The following ERCC5 variants were observed in gnomAD, a reference collection of about 807,000 sequenced individuals.
ERCC5 encodes DNA excision repair protein ERCC-5.
Under a neutral mutation model 105.6 loss-of-function variants are expected in ERCC5, and 68 were observed. The observed-to-expected ratio is 0.64, with a 90% CI of 0.53 to 0.79. ERCC5 has a LOEUF of 0.79. Ranked by LOEUF, ERCC5 falls within the 30% of genes least tolerant of loss-of-function variation. The pLI, the probability that ERCC5 is intolerant of heterozygous loss-of-function variation, is 0.00. For missense variants in ERCC5, 1,373 were observed against 1,426.7 expected (o/e 0.96, Z 0.61); for synonymous variants, 546 against 526.2 (o/e 1.04, Z -0.51).
At chr13:102,860,106 G>T (rs1230430711) in intron 6 of ERCC5, among the ~76,000 whole-genome samples, 6 of 152,152 alleles carry the variant, frequency 3.9e-5, no homozygotes, top group Non-Finnish European at 8.8e-5. Flanking sequence ...TCGCGATATT[G>T]CAGTGCTTCT....
chr13:102,872,127 G>T (rs1364082191), intron 12 of ERCC5, 71 bp from the exon 13 acceptor site: 3 of 1,544,398 alleles, frequency 1.9e-6, no homozygotes, highest in African/African-American at 1.4e-5. Flanking sequence ...TCTAAGTTTA[G>T]TTCTTCATCC....
At position 102,875,594 on chromosome 13, in the gene ERCC5, C is replaced by A. The variant is rs372662617; in HGVS notation, c.3252C>A (p.Cys1084Ter). 6.2e-7 allele frequency: 1 copy of A among 1,613,468 alleles called. No individual in the cohort carries two copies. Residue 1084 changes from cysteine (C) to a stop codon, truncating the protein, a stop_gained, in exon 15 of 15, where the codon TGC (cysteine) becomes TGA (stop). Coordinates refer to ENST00000652225, the MANE Select transcript of ERCC5 (RefSeq NM_000123.4). LOFTEE classifies it low-confidence loss of function (END_TRUNC). ...RLSDSKGKNT[C>*]GGFLGETCLS... The stretch of plus-strand genomic sequence containing the variant: ...CAGATTCTAAAGGAAAGAATACATG[C>A]GGTGGATTTTTGGGGGAGACCTGCC...
chr13:102,850,368 G>A (rs1055497422), intron 1 of ERCC5, among the ~76,000 whole-genome samples: 13 of 152,170 alleles, frequency 8.5e-5, no homozygotes, highest in Admixed American at 7.9e-4. Context: ...GAAGCAGCAT[G>A]TGAGAAGAAC....
intron 12 of ERCC5, among the ~76,000 whole-genome samples, chr13:102,871,104 GC>G (rs1454408117): frequency 6.6e-6 from 1 of 152,224 alleles, no homozygotes; most frequent in African/African-American, 2.4e-5. Flanking sequence ...GCTCAGCTGG[GC>G]TAGGACCCCT....
In ERCC5 at chr13:102,862,671, G is replaced by T. The variant is rs200503959; in HGVS notation, c.1522G>T (p.Val508Phe). The T allele has an allele frequency of 6.1e-5, 98 of 1,614,068 alleles. No individual in the cohort carries two copies. Among genetic ancestry groups the T allele is most frequent in the Non-Finnish European group, 7.6e-5 (90 of 1,180,052 alleles). Residue 508 changes from valine to phenylalanine, a missense_variant, in exon 8 of 15, where the codon GTT (valine) becomes TTT (phenylalanine). This residue lies in a region of ERCC5 where 1,004 missense variants were observed against 1,059.7 expected (regional missense o/e 0.95). Transcript: ENST00000652225. ...KDRLPLESAV[V>F]RHSDAPGLPN... ...TCGGCTGCCTCTGGAGAGTGCAGTG[G>T]TTAGACATAGTGACGCACCTGGGCT...
rs1250698107 is a variant in ERCC5, at chr13:102,875,687, G to A, written c.3345G>A (p.Arg1115=). The stretch of plus-strand genomic sequence containing the variant: ...GTTCATCTTTAATGAATGTACAAAG[G>A]AGAACAGCTGCGAAAGAGCCAAAAA... ...AESSSLMNVQ[R]RTAAKEPKTS... is the part of the protein sequence containing the mutation. The change falls in exon 15 of 15, where the codon AGG becomes AGA. Residue 1115 remains arginine (R), a synonymous_variant. Coordinates refer to ENST00000652225, the MANE Select transcript of ERCC5 (RefSeq NM_000123.4). 6.2e-7 allele frequency: 1 copy of A among 1,614,126 alleles called. No individual in the cohort carries two copies. Among genetic ancestry groups the A allele is most frequent in the Non-Finnish European group, 8.5e-7 (1 of 1,180,008 alleles).
rs758003677 is a variant in ERCC5, at chr13:102,863,037, G to T, written c.1888G>T (p.Asp630Tyr). 4 of 1,614,130 alleles carry T rather than the reference G, an allele frequency of 2.5e-6. No individual in the cohort carries two copies. Among genetic ancestry groups the T allele is most frequent in the Non-Finnish European group, 3.4e-6 (4 of 1,180,030 alleles). The change falls in exon 8 of 15, where the codon GAT (aspartate) becomes TAT (tyrosine). Residue 630 changes from aspartate to tyrosine, a missense_variant. Around this residue, in one of 3 missense-constraint regions of ERCC5, gnomAD observed 1,004 missense variants for 1,059.7 expected, o/e 0.95. Coordinates refer to ENST00000652225, the MANE Select transcript of ERCC5 (RefSeq NM_000123.4). ...EQQTTESAGQ[D>Y]LISIPKAVEP... ...GCAGACCACTGAATCTGCAGGCCAG[G>T]ATTTAATTTCCATTCCAAAGGCCGT...
chr13:102,855,756 C>CA (rs2140520639), intron 4 of ERCC5, among the ~76,000 whole-genome samples: 1 of 152,316 alleles, frequency 6.6e-6, no homozygotes, highest in African/African-American at 2.4e-5. Context: ...TGGCTAACTC[C>CA]AACCAGTGTA....
chr13:102,870,260 C>G (rs888145459), intron 12 of ERCC5, among the ~76,000 whole-genome samples: 1 of 152,142 alleles, frequency 6.6e-6, no homozygotes, highest in African/African-American at 2.4e-5. Context: ...CAACATTTAC[C>G]TTTGGGAGAT....
chr13:102,846,207 C>A lies in ERCC5; in HGVS notation c.-60C>A. 7.0e-7 allele frequency: 1 copy of A among 1,438,710 alleles called. No homozygotes were observed. Among genetic ancestry groups the A allele is most frequent in the South Asian group, 1.2e-5 (1 of 84,624 alleles). 89.1% of individuals were successfully genotyped at this position (1,438,710 alleles called of 1,614,324 possible). On this transcript the variant is annotated 5_prime_UTR_variant, in exon 1 of 15. Transcript: ENST00000652225. ...CCGGGGTCCTAGGCGGCGGTGCAGT[C>A]CGTCGTAGAAGAATTAGAGTAGAAG...
At chr13:102,853,632 G>T in intron 2 of ERCC5, 125 bp from the exon 3 acceptor site, 1 of 930,710 alleles carries the variant, frequency 1.1e-6, no homozygotes, top group African/African-American at 1.7e-5. Context: ...GCAATTAGGA[G>T]GAAATGCTAA....
intron 12 of ERCC5, among the ~76,000 whole-genome samples, chr13:102,871,832 A>G (rs1178428308): frequency 6.6e-6 from 1 of 152,162 alleles, no homozygotes; most frequent in Non-Finnish European, 1.5e-5. Flanking sequence ...CTTCTGTGGT[A>G]TAATTATGAG....
chr13:102,862,080 T>C lies in ERCC5; in HGVS notation c.931T>C (p.Ser311Pro), dbSNP rs1202889232. ...AGTGGATTCAGAGTCTCTTCCTTCT[T>C]CCAGCAAAATGCACGGCATGTCTTT... ...AEVDSESLPS[S>P]SKMHGMSFDV... is the part of the protein sequence containing the mutation. The change falls in exon 8 of 15, where the codon TCC becomes CCC. Residue 311 changes from serine (S) to proline (P), a missense_variant. Physicochemically the swap from Ser to Pro is moderately conservative, Grantham distance 74. Around this residue, in one of 3 missense-constraint regions of ERCC5, gnomAD observed 1,004 missense variants for 1,059.7 expected, o/e 0.95. Transcript: ENST00000652225. 3.1e-6 allele frequency: 5 copies of C among 1,614,092 alleles called. No individual in the cohort carries two copies. In the East Asian group the frequency reaches 6.7e-5, roughly 22 times the overall value.
chr13:102,873,073 T>C lies in ERCC5; in HGVS notation c.2880-186T>C, dbSNP rs4150363. 6.1e-3 allele frequency among the ~76,000 whole-genome samples: 924 copies of C among 152,304 alleles called. 14 individuals carry two copies. Among genetic ancestry groups the C allele is most frequent in the African/African-American group, 0.021 (878 of 41,560 alleles). Reference sequence around the variant, plus strand: ...TTATTTTATAGAATTGAAAAGAACATAGTGCCAGATGATTATGCTGGAGTC... The same window carrying C: ...TTATTTTATAGAATTGAAAAGAACACAGTGCCAGATGATTATGCTGGAGTC... On this transcript the variant is annotated intron_variant, in intron 13 of 14. Transcript: ENST00000652225.
chr13:102,869,444 T>C (rs916090337), intron 12 of ERCC5, among the ~76,000 whole-genome samples: 9 of 1,200 alleles, frequency 7.5e-3, no homozygotes, highest in Non-Finnish European at 0.022. Flanking sequence ...GTTTATGTAA[T>C]TTTAGACTTC....
rs376726643 is a variant in ERCC5 at position 102,858,160 on chromosome 13, T to C, written c.529-115T>C. 2.0e-4 allele frequency: 294 copies of C among 1,448,162 alleles called. 1 individual carries two copies. Among genetic ancestry groups the C allele is most frequent in the African/African-American group, 1.3e-3 (95 of 70,590 alleles). The allele number at this position is 1,448,162 out of a possible 1,614,324, so 89.7% of individuals were successfully genotyped here. Reference sequence around the variant, plus strand: ...ATTATATGCAACTGTGTTTAGCCAATTGTTGATTATGTAGAACTGTGTTTA... The same window carrying C: ...ATTATATGCAACTGTGTTTAGCCAACTGTTGATTATGTAGAACTGTGTTTA... On this transcript the variant is annotated intron_variant, in intron 5 of 14. Coordinates refer to ENST00000652225, the MANE Select transcript of ERCC5 (RefSeq NM_000123.4).
chr13:102,863,822 C>T (rs543472021), intron 8 of ERCC5, among the ~76,000 whole-genome samples: 25 of 152,192 alleles, frequency 1.6e-4, no homozygotes, highest in South Asian at 4.1e-4. Context: ...CAAGAAGCTC[C>T]GGCCCCAGGC....
rs745384360 is a variant in ERCC5, at chr13:102,854,354, A to G, written c.447A>G (p.Leu149=). The G allele has an allele frequency of 6.2e-7, 1 of 1,614,202 alleles. No homozygotes were observed. The highest frequency in any genetic ancestry group is 8.5e-7 in the Non-Finnish European group (1 of 1,180,026). ...ACGACCTCTATGTTTTGCCTCCTTTACAAGAGGAAGAAAAACACAGGTAAA... is the reference window on the plus strand; with the variant it reads ...ACGACCTCTATGTTTTGCCTCCTTTGCAAGAGGAAGAAAAACACAGGTAAA... ...RENDLYVLPP[L]QEEEKHSSEE... is the part of the protein sequence containing the mutation. The change falls in exon 4 of 15, where the codon TTA becomes TTG. Residue 149 remains leucine, a synonymous_variant. Transcript: ENST00000652225.
At chr13:102,854,410 C>T in intron 4 of ERCC5, 36 bp downstream of exon 4, 2 of 1,590,634 alleles carry the variant, frequency 1.3e-6, no homozygotes, top group South Asian at 1.1e-5. Flanking sequence ...TTATTTTAGT[C>T]ATTGCTACAT....
Sources: gnomAD v4.1 joint callset for allele counts (sites outside exome capture counted in the v4.1 genomes callset) on GRCh38, gnomAD v4.1.1 for gene constraint, gnomAD v4.1.1 regional missense constraint, MANE v1.5 for transcripts, NCBI Gene and HGNC (gene_info 2026-07-23, HGNC 2026-07-21) for gene names.